Variants in XXYLT1 observed in about 807,000 individuals in gnomAD.
XXYLT1 encodes xyloside xylosyltransferase 1.
In XXYLT1, 20 loss-of-function variants were observed where a neutral mutation model predicts 28.9. The ratio of observed to expected loss-of-function variants is 0.69; its 90% CI spans 0.49 to 1.00. XXYLT1 has a LOEUF of 1.00. Among genes scored for constraint, XXYLT1 ranks in the 50% least tolerant of loss-of-function variants. The probability of loss-of-function intolerance (pLI) is 0.00; values close to 1 mark genes in which losing one functional copy is unlikely to be tolerated. For synonymous variants in XXYLT1, 257 were observed against 253.8 expected, an observed-to-expected ratio of 1.01 and a Z score of -0.12; for missense variants, 542 against 560.1, an observed-to-expected ratio of 0.97 and a Z score of 0.33.
At chr3:195,226,884 C>T in intron 1 of XXYLT1, 28 bp from the exon 2 acceptor site, 1 of 1,609,458 alleles carries the variant, frequency 6.2e-7, no homozygotes, top group Non-Finnish European at 8.5e-7. Context: ...AAAACCAAGG[C>T]TCAGCAAACC....
In XXYLT1 at chr3:195,122,094, C is replaced by G. The variant is rs762154115; in HGVS notation, c.785+34355G>C. On this transcript the variant is annotated intron_variant, in intron 3 of 3. Transcript: ENST00000310380. ...TCTGTGTCTGGTGAGGACTCACTGC[C>G]CAGTTCACAGATGGCTGCCTTTCCC... The G allele has an allele frequency of 5.7e-6, 4 of 702,990 alleles. No individual in the cohort carries two copies. The South Asian group carries it at 5.9e-5, about 10-fold the overall frequency. 43.5% of individuals were successfully genotyped at this position (702,990 alleles called of 1,614,324 possible).
At chr3:195,205,050 T>G (rs983968101) in intron 2 of XXYLT1, among the ~76,000 whole-genome samples, 3 of 152,224 alleles carry the variant, frequency 2.0e-5, no homozygotes, top group African/African-American at 7.2e-5. Flanking sequence ...ACTCAAACAT[T>G]GCTGTTGGGA....
chr3:195,075,112 C>T (rs1242024093), intron 3 of XXYLT1, among the ~76,000 whole-genome samples: 1 of 152,162 alleles, frequency 6.6e-6, no homozygotes, highest in East Asian at 1.9e-4. Flanking sequence ...CTTAGCCGGG[C>T]ATGGTGGCGT....
intron 1 of XXYLT1, among the ~76,000 whole-genome samples, chr3:195,234,083 AT>A (rs34281713): frequency 0.035 from 4,910 of 140,442 alleles, 133 homozygotes; most frequent in East Asian, 0.11. Flanking sequence ...CGCCCAGCTA[AT>A]TTTTTTTTTT....
At chr3:195,156,422 G>T (rs1390263365) in intron 3 of XXYLT1, 27 bp downstream of exon 3, 4 of 1,608,884 alleles carry the variant, frequency 2.5e-6, no homozygotes, top group Non-Finnish European at 3.4e-6. Context: ...GGGTCGTGGA[G>T]GCGGCCCCCC....
At chr3:195,250,996 C>T (rs994507613) in intron 1 of XXYLT1, among the ~76,000 whole-genome samples, 3 of 152,234 alleles carry the variant, frequency 2.0e-5, no homozygotes, top group Non-Finnish European at 4.4e-5. Context: ...TTGTGAATGA[C>T]CCACAAGGAC....
intron 2 of XXYLT1, among the ~76,000 whole-genome samples, chr3:195,198,074 A>G (rs1722703832): frequency 6.6e-6 from 1 of 152,236 alleles, no homozygotes; most frequent in African/African-American, 2.4e-5. Context: ...ACAGAAGATA[A>G]TCCAATAACC....
chr3:195,128,913 C>A (rs930672968), intron 3 of XXYLT1, among the ~76,000 whole-genome samples: 7 of 152,170 alleles, frequency 4.6e-5, no homozygotes, highest in African/African-American at 9.7e-5. Context: ...TGAAAGCATG[C>A]GCCAACACTG....
Position 195,115,994 on chromosome 3 carries a change from A to G in XXYLT1, c.785+40455T>C, listed in dbSNP as rs539733078. On this transcript the variant is annotated intron_variant, in intron 3 of 3. Transcript: ENST00000310380. This position sits in a 1 kb window ranked among gnomAD's most constrained non-coding sequence, Gnocchi z 4.2. Reference sequence around the variant, plus strand: ...GCTGAAGCATGCACTATTTGCCACAAACGGAGTCGGGCTATCTAAAACAGG... The same window carrying G: ...GCTGAAGCATGCACTATTTGCCACAGACGGAGTCGGGCTATCTAAAACAGG... Among the ~76,000 whole-genome samples the G allele has an allele frequency of 6.6e-6, 1 of 152,268 alleles. No individual in the cohort carries two copies. The highest frequency in any genetic ancestry group is 2.1e-4 in the South Asian group (1 of 4,820).
intron 3 of XXYLT1, among the ~76,000 whole-genome samples, chr3:195,137,452 A>G (rs1577067302): frequency 6.6e-6 from 1 of 152,128 alleles, no homozygotes; most frequent in Non-Finnish European, 1.5e-5. Context: ...GTTTTCCCAC[A>G]TGGGTAAAGG....
chr3:195,218,631 G>C (rs1299956441), intron 2 of XXYLT1, among the ~76,000 whole-genome samples: 1 of 152,150 alleles, frequency 6.6e-6, no homozygotes, highest in African/African-American at 2.4e-5. Flanking sequence ...TCTCACACCG[G>C]TTCGAATGGC....
chr3:195,149,598 C>G (rs982916009), intron 3 of XXYLT1, among the ~76,000 whole-genome samples: 1 of 152,236 alleles, frequency 6.6e-6, no homozygotes, highest in African/African-American at 2.4e-5. Flanking sequence ...GTCTCTCCCC[C>G]TGTCCTCGTC....
intron 1 of XXYLT1, among the ~76,000 whole-genome samples, chr3:195,264,334 T>C (rs978023104): frequency 6.6e-6 from 1 of 152,240 alleles, no homozygotes; most frequent in Non-Finnish European, 1.5e-5. Context: ...GGATAGTTAC[T>C]TGCTCAAACA....
chr3:195,103,369 G>GCCTGCGTCCATCACCCCATGCCAGCGA (rs1716904948), intron 3 of XXYLT1, among the ~76,000 whole-genome samples: 3 of 135,250 alleles, frequency 2.2e-5, no homozygotes, highest in South Asian at 2.4e-4. Context: ...CACGCCAGCG[G>GCCTGCGTCCATCACCCCATGCCAGCGA]CCTGCGTCCA....
chr3:195,110,695 TGC>T (rs1249735252), intron 3 of XXYLT1, among the ~76,000 whole-genome samples: 1 of 129,892 alleles, frequency 7.7e-6, no homozygotes, highest in East Asian at 2.4e-4. Context: ...GCTGTATGTG[TGC>T]ATGTGTGTGG....
At chr3:195,228,018 C>A (rs1724129540) in intron 1 of XXYLT1, among the ~76,000 whole-genome samples, 1 of 152,206 alleles carries the variant, frequency 6.6e-6, no homozygotes, top group African/African-American at 2.4e-5. Context: ...GATCTAGATC[C>A]TTCTACGACA....
At chr3:195,107,649 A>G (rs1577034363) in intron 3 of XXYLT1, among the ~76,000 whole-genome samples, 1 of 18,040 alleles carries the variant, frequency 5.5e-5, no homozygotes, top group African/African-American at 2.3e-4. Context: ...GAGGAGGAGG[A>G]GGAGGAGGGG....
chr3:195,260,157 GCGCGCAC>G (rs1725632545), intron 1 of XXYLT1: 1 of 151,480 alleles, frequency 6.6e-6, no homozygotes, highest in Non-Finnish European at 1.5e-5. Context: ...GGCTGCAGCC[GCGCGCAC>G]CTCGCCGGCC....
chr3:195,220,185 C>T (rs571945055), intron 2 of XXYLT1, among the ~76,000 whole-genome samples: 6 of 152,196 alleles, frequency 3.9e-5, no homozygotes, highest in African/African-American at 1.2e-4. Flanking sequence ...ACTGTTACCC[C>T]GGCTGGAGTA....
Sources: allele counts gnomAD v4.1 joint callset (sites outside exome capture counted in the v4.1 genomes callset), GRCh38; gene constraint gnomAD v4.1.1; non-coding constraint Gnocchi (gnomAD v3.1); transcripts MANE v1.5; gene names NCBI Gene and HGNC (gene_info 2026-07-23, HGNC 2026-07-21).